SLC24A2: variants seen among roughly 807,000 people sequenced by gnomAD.
SLC24A2 encodes the protein solute carrier family 24 member 2.
Under a neutral mutation model 62.0 loss-of-function variants are expected in SLC24A2, and 36 were observed. That is an observed-to-expected ratio of 0.58 (90% CI 0.44 to 0.77). The LOEUF (loss-of-function observed/expected upper bound fraction) is 0.77. SLC24A2 is among the 30% of genes least tolerant of loss of function. SLC24A2 has a pLI of 0.00. For missense variants in SLC24A2, 846 were observed against 817.9 expected, an observed-to-expected ratio of 1.03 and a Z score of -0.42; for synonymous variants, 358 against 294.0, an observed-to-expected ratio of 1.22 and a Z score of -2.23.
At chr9:19,834,705 C>T in the SLC24A2 span, among the ~76,000 whole-genome samples, 13 of 152,038 alleles carry the variant, frequency 8.6e-5, no homozygotes, top group Admixed American at 8.5e-4. Context: ...CCAACATTCA[C>T]ATTCAGGAAA....
the SLC24A2 span, among the ~76,000 whole-genome samples, chr9:20,013,319 C>G: frequency 6.6e-6 from 1 of 152,202 alleles, no homozygotes; most frequent in African/African-American, 2.4e-5. Flanking sequence ...AAAGGATGGT[C>G]TCTTCAATAA....
At chr9:20,169,945 T>G in the SLC24A2 span, among the ~76,000 whole-genome samples, 1 of 151,120 alleles carries the variant, frequency 6.6e-6, no homozygotes, top group East Asian at 2.0e-4. Context: ...ATACAAGAAG[T>G]GAAGGGATAA....
intron 8 of SLC24A2, 52 bp from the exon 9 acceptor site, chr9:19,528,190 G>T: frequency 8.2e-7 from 1 of 1,215,014 alleles, no homozygotes; most frequent in South Asian, 1.3e-5. Flanking sequence ...CATTGAGACT[G>T]ATCTGGAAAT....
At chr9:20,276,817 C>T in the SLC24A2 span, among the ~76,000 whole-genome samples, 1 of 152,224 alleles carries the variant, frequency 6.6e-6, no homozygotes, top group Non-Finnish European at 1.5e-5. Flanking sequence ...GTGTAAGCCA[C>T]CAAAGTTTGG....
At chr9:20,178,092 G>A in the SLC24A2 span, among the ~76,000 whole-genome samples, 1 of 152,102 alleles carries the variant, frequency 6.6e-6, no homozygotes, top group East Asian at 1.9e-4. Flanking sequence ...GGTTCAGTTT[G>A]TTCCTTTAAT....
chr9:19,541,813 C>G (rs1225555934), intron 8 of SLC24A2, among the ~76,000 whole-genome samples: 1 of 149,350 alleles, frequency 6.7e-6, no homozygotes, highest in African/African-American at 2.4e-5. Context: ...GCCTCGTTGC[C>G]GCCTTGCAGT....
the SLC24A2 span, among the ~76,000 whole-genome samples, chr9:19,981,065 T>A: frequency 6.6e-6 from 1 of 152,202 alleles, no homozygotes; most frequent in African/African-American, 2.4e-5. Flanking sequence ...AAGATGCTGA[T>A]GGAGTATGGA....
chr9:19,962,840 T>C, the SLC24A2 span, among the ~76,000 whole-genome samples: 1 of 152,152 alleles, frequency 6.6e-6, no homozygotes, highest in Non-Finnish European at 1.5e-5. Flanking sequence ...CCTAATTGAA[T>C]ACCCTTTATT....
the SLC24A2 span, among the ~76,000 whole-genome samples, chr9:20,136,762 C>A: frequency 6.6e-6 from 1 of 152,084 alleles, no homozygotes; most frequent in Non-Finnish European, 1.5e-5. Context: ...CAGAGCATCC[C>A]CTAAAACACT....
the SLC24A2 span, among the ~76,000 whole-genome samples, chr9:20,059,626 A>C: frequency 0.17 from 26,232 of 152,036 alleles, 2,291 homozygotes; most frequent in East Asian, 0.24. Flanking sequence ...GCATACCAAA[A>C]CTTAGGAGAT....
At chr9:20,034,897 T>C in the SLC24A2 span, among the ~76,000 whole-genome samples, 1,361 of 152,310 alleles carry the variant, frequency 8.9e-3, 28 homozygotes, top group African/African-American at 0.031. Flanking sequence ...CAAAATTACA[T>C]TGGTGAACGT....
chr9:20,168,885 A>T, the SLC24A2 span, among the ~76,000 whole-genome samples: 27 of 152,174 alleles, frequency 1.8e-4, no homozygotes, highest in Non-Finnish European at 2.9e-4. Flanking sequence ...CAGGGATTCA[A>T]ACAGGCATTT....
the SLC24A2 span, among the ~76,000 whole-genome samples, chr9:20,028,779 T>C: frequency 6.6e-6 from 1 of 152,234 alleles, no homozygotes; most frequent in Admixed American, 6.5e-5. Flanking sequence ...TTCCGGGCTT[T>C]GTAAATCTTT....
chr9:20,016,585 G>A, the SLC24A2 span, among the ~76,000 whole-genome samples: 3 of 152,152 alleles, frequency 2.0e-5, no homozygotes, highest in Non-Finnish European at 4.4e-5. Context: ...AATAAACTGT[G>A]AACTATGTAT....
intron 2 of SLC24A2, among the ~76,000 whole-genome samples, chr9:19,648,710 T>C (rs987588476): frequency 6.6e-6 from 1 of 152,146 alleles, no homozygotes; most frequent in African/African-American, 2.4e-5. Flanking sequence ...AGGAGGAACA[T>C]CTAATTAAAG....
chr9:20,179,142 A>G, the SLC24A2 span, among the ~76,000 whole-genome samples: 3 of 152,142 alleles, frequency 2.0e-5, no homozygotes, highest in Non-Finnish European at 4.4e-5. Context: ...GGTTGGGGGC[A>G]GCTGGAAGAG....
chr9:20,218,927 A>G, the SLC24A2 span, among the ~76,000 whole-genome samples: 8 of 152,270 alleles, frequency 5.3e-5, no homozygotes, highest in Middle Eastern at 0.017. Context: ...TGGGAACCCA[A>G]GCAGAATGAT....
chr9:19,873,476 T>A, the SLC24A2 span, among the ~76,000 whole-genome samples: 1 of 150,092 alleles, frequency 6.7e-6, no homozygotes, highest in Admixed American at 6.6e-5. Flanking sequence ...TCTTTCTCTC[T>A]CTCCTTCCTT....
At chr9:19,765,949 G>GT (rs1822502224) in intron 2 of SLC24A2, among the ~76,000 whole-genome samples, 1 of 152,000 alleles carries the variant, frequency 6.6e-6, no homozygotes, top group South Asian at 2.1e-4. Context: ...ATGTAGGTTT[G>GT]TTTTTTTCAC....
Sources: gnomAD v4.1 joint callset for allele counts (sites outside exome capture counted in the v4.1 genomes callset) on GRCh38, gnomAD v4.1.1 for gene constraint, MANE v1.5 for transcripts, NCBI Gene and HGNC (gene_info 2026-07-23, HGNC 2026-07-21) for gene names.